The following BCO2 variants were observed in gnomAD, a reference collection of about 807,000 sequenced individuals.
BCO2 encodes beta-carotene oxygenase 2.
A neutral mutation model predicts 65.8 loss-of-function variants in BCO2; 56 were observed. The ratio of observed to expected loss-of-function variants is 0.85; its 90% confidence interval spans 0.69 to 1.06. The LOEUF (loss-of-function observed/expected upper bound fraction) is 1.06. Among genes scored for constraint, BCO2 ranks in the 50% least tolerant of loss-of-function variants. BCO2 has a pLI of 0.00. For missense variants in BCO2, 675 were observed against 698.5 expected (o/e 0.97, Z 0.38); for synonymous variants, 233 against 242.3 (o/e 0.96, Z 0.36).
chr11:112,190,277 C>T (rs942168400), intron 2 of BCO2, among the ~76,000 whole-genome samples: 1 of 152,054 alleles, frequency 6.6e-6, no homozygotes, highest in Non-Finnish European at 1.5e-5. Context: ...GAACAAGACC[C>T]TGTCTCTTAA....
rs139937889 is a variant in BCO2 at position 112,190,155 on chromosome 11, G to A, written c.294-3319G>A. 7.5e-3 allele frequency among the ~76,000 whole-genome samples: 1,133 copies of A among 151,686 alleles called. 17 individuals carry two copies. The highest frequency in any genetic ancestry group is 0.021 in the African/African-American group (862 of 41,360). On this transcript the variant is annotated intron_variant, in intron 2 of 11. Transcript: ENST00000357685. ...TTAAAAAGTAGCCAAGTGTGGGGGCGTGTCCCTGTAGTCCCAGCTACTTGG... is the reference window on the plus strand; with the variant it reads ...TTAAAAAGTAGCCAAGTGTGGGGGCATGTCCCTGTAGTCCCAGCTACTTGG...
chr11:112,188,798 C>G (rs1867284900), intron 2 of BCO2, among the ~76,000 whole-genome samples: 1 of 150,360 alleles, frequency 6.7e-6, no homozygotes, highest in Non-Finnish European at 1.5e-5. Flanking sequence ...GCAGCAATCA[C>G]TTTGTATCCA....
chr11:112,211,686 T>C (rs1859516823), intron 8 of BCO2, among the ~76,000 whole-genome samples: 1 of 152,216 alleles, frequency 6.6e-6, no homozygotes, highest in Non-Finnish European at 1.5e-5. Flanking sequence ...GATATCTCAT[T>C]GTGGTTTTGA....
chr11:112,196,601 T>C lies in BCO2; in HGVS notation c.736+1846T>C, dbSNP rs75374455. Among the ~76,000 whole-genome samples the C allele has an allele frequency of 7.8e-4, 119 of 152,348 alleles. 1 individual carries two copies. The East Asian group carries it at 0.014, about 19-fold the overall frequency. On this transcript the variant is annotated intron_variant, in intron 5 of 11. Transcript: ENST00000357685. Reference sequence around the variant, plus strand: ...CTCTTGGACTATAGAGCTTGTCTAATATTTCTTTCATCACTGTACAAAGCA... The same window carrying C: ...CTCTTGGACTATAGAGCTTGTCTAACATTTCTTTCATCACTGTACAAAGCA...
chr11:112,202,239 A>G (rs1199199583), intron 8 of BCO2, 49 bp downstream of exon 8: 3 of 1,524,380 alleles, frequency 2.0e-6, no homozygotes, highest in East Asian at 2.3e-5. Flanking sequence ...TTGAACTCCA[A>G]GATCTGGCTT....
chr11:112,191,851 G>T (rs1867400202), intron 2 of BCO2, among the ~76,000 whole-genome samples: 1 of 152,070 alleles, frequency 6.6e-6, no homozygotes, highest in Non-Finnish European at 1.5e-5. Flanking sequence ...GATAATAGTG[G>T]CATCTCAAAT....
chr11:112,200,625 A>T lies in BCO2; in HGVS notation c.878A>T (p.Asn293Ile). Residue 293 changes from asparagine to isoleucine, a missense_variant, in exon 7 of 12, where the codon AAC (asparagine) becomes ATC (isoleucine). Asn to Ile is a moderately radical substitution (Grantham distance 149). Transcript: ENST00000357685. ...SYYHSFGMTR[N>I]YIIFIEQPLK... The stretch of plus-strand genomic sequence containing the variant: ...TGGAACCTTTTAGGAATGACAAGGA[A>T]CTATATAATTTTCATTGAACAACCT... The T allele has an allele frequency of 6.2e-7, 1 of 1,606,850 alleles. No individual in the cohort carries two copies. Among genetic ancestry groups the T allele is most frequent in the Non-Finnish European group, 8.5e-7 (1 of 1,178,178 alleles).
rs1461522231 is a variant in BCO2, at chr11:112,214,883, G to T, written c.1454G>T (p.Gly485Val). 6.2e-7 allele frequency: 1 copy of T among 1,614,172 alleles called. No individual in the cohort carries two copies. Among genetic ancestry groups the T allele is most frequent in the Admixed American group, 1.7e-5 (1 of 60,032 alleles). ...GKKYHFFYGCGFRHLVGDSLI... is the reference protein window; with the variant it reads ...GKKYHFFYGCVFRHLVGDSLI... ...AAGTATCATTTCTTTTATGGCTGTGGCTTTCGGCATTTAGTGGGGGATTCT... is the reference window on the plus strand; with the variant it reads ...AAGTATCATTTCTTTTATGGCTGTGTCTTTCGGCATTTAGTGGGGGATTCT... The change falls in exon 10 of 12, where the codon GGC (glycine) becomes GTC (valine). Residue 485 changes from glycine to valine, a missense_variant. Physicochemically the swap from Gly to Val is moderately radical, Grantham distance 109 (BLOSUM62 -3). Transcript: ENST00000357685.
chr11:112,195,588 G>A (rs1867549018), intron 5 of BCO2, among the ~76,000 whole-genome samples: 1 of 152,012 alleles, frequency 6.6e-6, no homozygotes. Context: ...GATTACAGGT[G>A]CTTGCCACCA....
chr11:112,193,743 T>C, intron 3 of BCO2, 46 bp downstream of exon 3: 1 of 1,570,872 alleles, frequency 6.4e-7, no homozygotes, highest in African/African-American at 1.4e-5. Flanking sequence ...TAACCATCTA[T>C]ACAAACATAA....
chr11:112,194,563 A>G (rs1205924766), intron 4 of BCO2, 90 bp from the exon 5 acceptor site: 4 of 802,716 alleles, frequency 5.0e-6, no homozygotes, highest in East Asian at 5.6e-5. Flanking sequence ...TTTTCTTATC[A>G]TATTTTTAAA....
intron 8 of BCO2, among the ~76,000 whole-genome samples, chr11:112,202,925 C>T (rs1867772161): frequency 1.3e-5 from 2 of 151,778 alleles, no homozygotes; most frequent in South Asian, 2.1e-4. Context: ...TGGTGGGTGC[C>T]TGTAATCCCA....
chr11:112,200,648 C>T lies in BCO2; in HGVS notation c.901C>T (p.Pro301Ser), dbSNP rs1343005969. ...TRNYIIFIEQ[P>S]LKMNLWKIAT... ...GAACTATATAATTTTCATTGAACAA[C>T]CTCTAAAGATGAACCTGTGGAAAAT... The change falls in exon 7 of 12, where the codon CCT (proline) becomes TCT (serine). Residue 301 changes from proline (P) to serine (S), a missense_variant. Coordinates refer to ENST00000357685, the MANE Select transcript of BCO2 (RefSeq NM_031938.7). The T allele has an allele frequency of 5.6e-6, 9 of 1,612,836 alleles. No homozygotes were observed. The highest frequency in any genetic ancestry group is 8.5e-7 in the Non-Finnish European group (1 of 1,179,602).
intron 1 of BCO2, chr11:112,176,513 T>TTGG (rs1337981817): frequency 5.9e-4 from 2 of 3,406 alleles, no homozygotes; most frequent in African/African-American, 1.2e-3. Context: ...AGAAAATTGA[T>TTGG]TGGCGGGGGG....
Position 112,214,898 on chromosome 11 carries a change from T to C in BCO2, c.1469T>C (p.Val490Ala). ...FFYGCGFRHLVGDSLIKVDVV... is the reference protein window; with the variant it reads ...FFYGCGFRHLAGDSLIKVDVV... The stretch of plus-strand genomic sequence containing the variant: ...TATGGCTGTGGCTTTCGGCATTTAG[T>C]GGGGGATTCTCTGATCAAGGTTGAT... The change falls in exon 10 of 12, where the codon GTG (valine) becomes GCG (alanine). Residue 490 changes from valine (V) to alanine (A), a missense_variant. By Grantham distance (64) the Val-to-Ala change is moderately conservative (BLOSUM62 0). Transcript: ENST00000357685. The C allele has an allele frequency of 6.2e-7, 1 of 1,614,160 alleles. No homozygotes were observed. Among genetic ancestry groups the C allele is most frequent in the Non-Finnish European group, 8.5e-7 (1 of 1,180,018 alleles).
chr11:112,216,912 C>G (rs1205804288), intron 11 of BCO2, among the ~76,000 whole-genome samples: 1 of 152,174 alleles, frequency 6.6e-6, no homozygotes, highest in African/African-American at 2.4e-5. Flanking sequence ...GGCTCTGAGG[C>G]CTTTTAAGGG....
At chr11:112,192,925 GTT>G (rs71060229) in intron 2 of BCO2, among the ~76,000 whole-genome samples, 3 of 36,658 alleles carry the variant, frequency 8.2e-5, no homozygotes, top group African/African-American at 2.1e-4. Flanking sequence ...AAAATGTGAG[GTT>G]TTTTTTTTTT....
rs1859673895 is a variant in BCO2 at position 112,216,267 on chromosome 11, A to G, written c.1563A>G (p.Pro521=). 1.2e-6 allele frequency: 2 copies of G among 1,614,080 alleles called. No homozygotes were observed. The highest frequency in any genetic ancestry group is 1.7e-6 in the Non-Finnish European group (2 of 1,180,032). ...GFYPSEPVFV[P]APGTNEEDGG... is the part of the protein sequence containing the mutation. Reference sequence around the variant, plus strand: ...ATCCCTCAGAACCTGTTTTTGTTCCAGCACCAGGAACCAATGAAGAAGATG... The same window carrying G: ...ATCCCTCAGAACCTGTTTTTGTTCCGGCACCAGGAACCAATGAAGAAGATG... Residue 521 remains proline (P), a synonymous_variant, in exon 11 of 12, where the codon CCA becomes CCG. Transcript: ENST00000357685.
At chr11:112,182,116 G>A (rs1867068219) in intron 2 of BCO2, among the ~76,000 whole-genome samples, 1 of 152,240 alleles carries the variant, frequency 6.6e-6, no homozygotes, top group East Asian at 1.9e-4. Flanking sequence ...ATCATCACTG[G>A]CCATCAGAGA....
Sources: allele counts gnomAD v4.1 joint callset (sites outside exome capture counted in the v4.1 genomes callset), GRCh38; gene constraint gnomAD v4.1.1; transcripts MANE v1.5; gene names NCBI Gene and HGNC (gene_info 2026-07-23, HGNC 2026-07-21).